The following BRINP3 variants were observed in gnomAD, a reference collection of about 807,000 sequenced individuals.
The protein encoded by BRINP3 is BMP/retinoic acid inducible neural specific 3.
Under a neutral mutation model 71.0 loss-of-function variants are expected in BRINP3, and 19 were observed. That is an observed-to-expected ratio of 0.27 (90% CI 0.19 to 0.39). The LOEUF is 0.39. Among genes scored for constraint, BRINP3 ranks in the 10% least tolerant of loss-of-function variants. The pLI is 1.00. For synonymous variants in BRINP3, 380 were observed against 337.7 expected, an observed-to-expected ratio of 1.13 and a Z score of -1.37; for missense variants, 959 against 940.8, an observed-to-expected ratio of 1.02 and a Z score of -0.25.
chr1:190,473,687 T>C (rs1677301184), intron 1 of BRINP3, among the ~76,000 whole-genome samples: 1 of 151,834 alleles, frequency 6.6e-6, no homozygotes, highest in South Asian at 2.1e-4. Flanking sequence ...AAAAATCTGA[T>C]AGTGGAAGAA....
At chr1:190,222,957 C>A (rs1182716112) in intron 6 of BRINP3, among the ~76,000 whole-genome samples, 3 of 151,616 alleles carry the variant, frequency 2.0e-5, no homozygotes, top group Non-Finnish European at 4.4e-5. Context: ...ACACAACTTA[C>A]CAAGATTGAA....
chr1:190,302,021 T>C (rs190618955), intron 2 of BRINP3, among the ~76,000 whole-genome samples: 1 of 151,574 alleles, frequency 6.6e-6, no homozygotes, highest in Admixed American at 6.6e-5. Context: ...ACTTTTATGT[T>C]AAAAGCAAAA....
chr1:190,417,010 T>C (rs1673046417), intron 2 of BRINP3, among the ~76,000 whole-genome samples: 1 of 152,204 alleles, frequency 6.6e-6, no homozygotes, highest in Non-Finnish European at 1.5e-5. Flanking sequence ...GTTTATTTGA[T>C]ATGCTTACTT....
intron 2 of BRINP3, among the ~76,000 whole-genome samples, chr1:190,300,586 G>T (rs982639568): frequency 6.6e-6 from 1 of 152,104 alleles, no homozygotes; most frequent in Non-Finnish European, 1.5e-5. Context: ...ATCTGAGAAC[G>T]GGCAGACTGC....
At position 190,443,771 on chromosome 1, in the gene BRINP3, T is replaced by C. The variant is rs74130764; in HGVS notation, c.236+10884A>G. The stretch of plus-strand genomic sequence containing the variant: ...GAAACATCTGACAGCGACTTCTAGT[T>C]TGGGGCTTGGAAACCAACCAATCAG... On this transcript the variant is annotated intron_variant, in intron 2 of 7. Transcript: ENST00000367462. 3.7e-3 allele frequency among the ~76,000 whole-genome samples: 571 copies of C among 152,278 alleles called. 4 individuals carry two copies. Among genetic ancestry groups the C allele is most frequent in the African/African-American group, 0.013 (531 of 41,548 alleles).
intron 2 of BRINP3, among the ~76,000 whole-genome samples, chr1:190,375,696 T>C (rs534393333): frequency 2.1e-4 from 32 of 152,094 alleles, no homozygotes; most frequent in Non-Finnish European, 4.6e-4. Context: ...GCTAACCTAA[T>C]TACAGTTGTT....
At chr1:190,357,581 A>G (rs1199253485) in intron 2 of BRINP3, among the ~76,000 whole-genome samples, 1 of 151,946 alleles carries the variant, frequency 6.6e-6, no homozygotes, top group African/African-American at 2.4e-5. Context: ...GCCTTGTAGT[A>G]TAGTTTGAAG....
intron 3 of BRINP3, among the ~76,000 whole-genome samples, chr1:190,268,835 A>G (rs1661869166): frequency 6.6e-6 from 1 of 152,272 alleles, no homozygotes; most frequent in African/African-American, 2.4e-5. Context: ...ATACATGAAA[A>G]GATTTGTAAA....
At chr1:190,308,493 A>G (rs879510550) in intron 2 of BRINP3, among the ~76,000 whole-genome samples, 48 of 143,542 alleles carry the variant, frequency 3.3e-4, no homozygotes, top group Non-Finnish European at 5.2e-4. Context: ...GGACTGTTGT[A>G]GGGTGGGGGA....
At chr1:190,250,903 T>A (rs1052658223) in intron 4 of BRINP3, among the ~76,000 whole-genome samples, 4 of 151,890 alleles carry the variant, frequency 2.6e-5, no homozygotes, top group Non-Finnish European at 5.9e-5. Context: ...ATTCTTGTAT[T>A]GTAGCGTGGT....
chr1:190,337,664 C>T (rs922490382), intron 2 of BRINP3, among the ~76,000 whole-genome samples: 3 of 152,112 alleles, frequency 2.0e-5, no homozygotes, highest in African/African-American at 7.2e-5. Context: ...GAAAACTGAG[C>T]TGTCAGCTTC....
At chr1:190,202,601 A>G (rs1327982621) in intron 6 of BRINP3, among the ~76,000 whole-genome samples, 1 of 152,070 alleles carries the variant, frequency 6.6e-6, no homozygotes, top group Non-Finnish European at 1.5e-5. Context: ...CATAATTCCT[A>G]CATGCTGTGG....
intron 2 of BRINP3, among the ~76,000 whole-genome samples, chr1:190,351,811 C>G (rs191081793): frequency 1.8e-4 from 28 of 152,064 alleles, no homozygotes; most frequent in Admixed American, 1.7e-3. Flanking sequence ...CTGTGCTTAT[C>G]CAATTTTCAC....
intron 2 of BRINP3, among the ~76,000 whole-genome samples, chr1:190,416,081 T>C (rs867696233): frequency 1.2e-4 from 19 of 152,308 alleles, no homozygotes; most frequent in Middle Eastern, 3.4e-3. Flanking sequence ...AGTTGACATA[T>C]GGCACACCAC....
chr1:190,449,336 T>C (rs1010333393), intron 2 of BRINP3, among the ~76,000 whole-genome samples: 2 of 151,998 alleles, frequency 1.3e-5, no homozygotes, highest in Admixed American at 1.3e-4. Flanking sequence ...CTACAATCTA[T>C]TGAAGAGACC....
At chr1:190,395,513 C>T (rs114219453) in intron 2 of BRINP3, among the ~76,000 whole-genome samples, 2 of 151,410 alleles carry the variant, frequency 1.3e-5, no homozygotes, top group African/African-American at 2.4e-5. Flanking sequence ...GTCTTTGAAC[C>T]CAGTAAATAA....
At chr1:190,160,929 A>T in intron 6 of BRINP3, 39 bp from the exon 7 acceptor site, 10 of 1,461,678 alleles carry the variant, frequency 6.8e-6, no homozygotes, top group Non-Finnish European at 9.4e-6. Context: ...ATTATGAAAC[A>T]ATTATTTTTT....
chr1:190,234,505 T>A (rs770669626), intron 4 of BRINP3, 28 bp from the exon 5 acceptor site: 3 of 1,532,430 alleles, frequency 2.0e-6, no homozygotes, highest in Non-Finnish European at 2.7e-6. Context: ...AACTTTATTA[T>A]CTAAATCAGA....
intron 2 of BRINP3, among the ~76,000 whole-genome samples, chr1:190,339,049 T>A (rs948767793): frequency 4.3e-5 from 6 of 140,944 alleles, no homozygotes; most frequent in Admixed American, 2.1e-4. Context: ...AATAAATAAA[T>A]AAAACAATCT....
Sources: allele counts gnomAD v4.1 joint callset (sites outside exome capture counted in the v4.1 genomes callset), GRCh38; gene constraint gnomAD v4.1.1; transcripts MANE v1.5; gene names NCBI Gene and HGNC (gene_info 2026-07-23, HGNC 2026-07-21).